DNAH12: variants seen among roughly 807,000 people sequenced by gnomAD.
The protein encoded by DNAH12 is dynein axonemal heavy chain 12.
DNAH12 carries 285 observed loss-of-function variants against 371.5 expected under a neutral mutation model. That is an observed-to-expected ratio of 0.77 (90% CI 0.70 to 0.85). DNAH12 has a LOEUF of 0.85. Among genes scored for constraint, DNAH12 ranks in the 40% least tolerant of loss-of-function variants. The pLI, the probability that DNAH12 is intolerant of heterozygous loss-of-function variation, is 0.00. For missense variants in DNAH12, 3,611 were observed against 3,689.4 expected, an observed-to-expected ratio of 0.98 and a Z score of 0.55; for synonymous variants, 1,200 against 1,213.0, an observed-to-expected ratio of 0.99 and a Z score of 0.22.
intron 8 of DNAH12, among the ~76,000 whole-genome samples, chr3:57,507,164 G>A (rs1397335699): frequency 6.6e-6 from 1 of 151,898 alleles, no homozygotes; most frequent in Non-Finnish European, 1.5e-5. Flanking sequence ...ATTTGAGGAG[G>A]CCATAAATAT....
At chr3:57,532,720 CTGGAGG>C (rs1018124253) in intron 2 of DNAH12, among the ~76,000 whole-genome samples, 2 of 152,174 alleles carry the variant, frequency 1.3e-5, no homozygotes, top group African/African-American at 4.8e-5. Context: ...CTGCCTGGAG[CTGGAGG>C]TGGGATGACA....
At chr3:57,456,498 T>A (rs1413285984) in intron 22 of DNAH12, among the ~76,000 whole-genome samples, 2 of 152,240 alleles carry the variant, frequency 1.3e-5, no homozygotes, top group Non-Finnish European at 2.9e-5. Context: ...ATAAGTGAGA[T>A]ACATGTAGTG....
intron 12 of DNAH12, among the ~76,000 whole-genome samples, chr3:57,483,892 A>G (rs1242436383): frequency 7.3e-6 from 1 of 137,366 alleles, no homozygotes; most frequent in Non-Finnish European, 1.5e-5. Flanking sequence ...GTTGAGCTAC[A>G]GTGGGCCATG....
chr3:57,323,789 T>G (rs1244861152), intron 62 of DNAH12, among the ~76,000 whole-genome samples, 170 bp from the exon 63 acceptor site: 1 of 152,174 alleles, frequency 6.6e-6, no homozygotes, highest in African/African-American at 2.4e-5. Flanking sequence ...TATATACATT[T>G]ATAGGAGAAG....
chr3:57,311,007 A>AT, intron 66 of DNAH12, 57 bp from the exon 67 acceptor site: 11 of 1,200,322 alleles, frequency 9.2e-6, no homozygotes, highest in Non-Finnish European at 1.3e-5. Flanking sequence ...CTTCATTTCC[A>AT]TTTTAAGTAT....
At chr3:57,441,715 C>A (rs1160523976) in intron 29 of DNAH12, among the ~76,000 whole-genome samples, 1 of 151,964 alleles carries the variant, frequency 6.6e-6, no homozygotes, top group Non-Finnish European at 1.5e-5. Flanking sequence ...TTGCTTGAGC[C>A]CAGGAGGTTG....
intron 62 of DNAH12, among the ~76,000 whole-genome samples, chr3:57,324,027 A>G (rs1311292897): frequency 6.6e-6 from 1 of 152,208 alleles, no homozygotes; most frequent in East Asian, 1.9e-4. Context: ...ACAAGTAGAA[A>G]TTACTTATGG....
intron 2 of DNAH12, among the ~76,000 whole-genome samples, chr3:57,540,977 T>C (rs965137011): frequency 1.3e-5 from 2 of 151,850 alleles, no homozygotes; most frequent in Middle Eastern, 3.4e-3. Context: ...GAGAACTCCC[T>C]TCTCTAAATC....
intron 58 of DNAH12, among the ~76,000 whole-genome samples, chr3:57,361,505 A>G: frequency 7.0e-6 from 1 of 143,746 alleles, no homozygotes; most frequent in South Asian, 2.2e-4. Context: ...TTTGCAATAA[A>G]TCCATTATTG....
intron 12 of DNAH12, among the ~76,000 whole-genome samples, chr3:57,487,375 A>AG (rs2066964487): frequency 7.3e-6 from 1 of 136,624 alleles, no homozygotes; most frequent in African/African-American, 2.8e-5. Context: ...GAAAGAAAGA[A>AG]AAAAAAAAAG....
At chr3:57,403,570 T>TACA in intron 42 of DNAH12, 69 bp from the exon 43 acceptor site, 1 of 1,362,170 alleles carries the variant, frequency 7.3e-7, no homozygotes, top group Non-Finnish European at 9.9e-7. Flanking sequence ...CATGTAACTA[T>TACA]TGTTTCACTT....
intron 60 of DNAH12, among the ~76,000 whole-genome samples, chr3:57,351,693 T>A (rs2062678771): frequency 6.6e-6 from 1 of 152,190 alleles, no homozygotes; most frequent in Non-Finnish European, 1.5e-5. Flanking sequence ...CATTCATATA[T>A]GTAATATATA....
Position 57,468,858 on chromosome 3 carries a change from G to A in DNAH12, c.2227C>T (p.Gln743Ter), listed in dbSNP as rs1248296761. 6.6e-7 allele frequency: 1 copy of A among 1,514,750 alleles called. No individual in the cohort carries two copies. Among genetic ancestry groups the A allele is most frequent in the African/African-American group, 1.4e-5 (1 of 69,956 alleles). The allele number at this position is 1,514,750 out of a possible 1,614,324, so 93.8% of individuals were successfully genotyped here. The change falls in exon 17 of 74, where the codon CAA (glutamine) becomes TAA (stop). Residue 743 changes from glutamine to a stop codon, truncating the protein, a stop_gained. Transcript: ENST00000495027. LOFTEE classifies it high-confidence loss of function. Reference protein sequence around the residue: ...FFQTKLKKELQEKRKAARKRS... With the variant: ...FFQTKLKKEL Reference sequence around the variant, plus strand: ...TTTCTTGCTGCCTTTCTTTTTTCTTGTAATTCTTTCTTTAGCTTCGTTTGG... The same window carrying A: ...TTTCTTGCTGCCTTTCTTTTTTCTTATAATTCTTTCTTTAGCTTCGTTTGG...
chr3:57,423,351 T>C (rs1452812120), intron 35 of DNAH12, among the ~76,000 whole-genome samples: 1 of 152,206 alleles, frequency 6.6e-6, no homozygotes, highest in African/African-American at 2.4e-5. Flanking sequence ...GGAAGAAAGC[T>C]AAAACTTAGT....
chr3:57,461,222 T>G (rs550169759), intron 19 of DNAH12, among the ~76,000 whole-genome samples: 1 of 152,310 alleles, frequency 6.6e-6, no homozygotes, highest in Non-Finnish European at 1.5e-5. Context: ...CCTGTTTTCC[T>G]CTCAAGTCTA....
Position 57,444,750 on chromosome 3 carries a change from C to T in DNAH12, c.4492G>A (p.Gly1498Arg). The T allele has an allele frequency of 6.5e-7, 1 of 1,549,730 alleles. No individual in the cohort carries two copies. ...FLSHDIPLFN[G>R]ITSDLFPGIK... ...CCAGGAAATAAGTCACTAGTTATTCCATTAAATAAAGGTATATCATGTGAT... is the reference window on the plus strand; with the variant it reads ...CCAGGAAATAAGTCACTAGTTATTCTATTAAATAAAGGTATATCATGTGAT... Residue 1498 changes from glycine (G) to arginine (R), a missense_variant, in exon 29 of 74, where the codon GGA becomes AGA. Physicochemically the swap from Gly to Arg is moderately radical, Grantham distance 125 (BLOSUM62 -2). Transcript: ENST00000495027.
At chr3:57,315,294 G>C (rs539851693) in intron 65 of DNAH12, among the ~76,000 whole-genome samples, 1 of 151,574 alleles carries the variant, frequency 6.6e-6, no homozygotes, top group African/African-American at 2.4e-5. Context: ...AATCCATCCA[G>C]CTATTTTCAT....
intron 29 of DNAH12, among the ~76,000 whole-genome samples, chr3:57,437,831 C>T (rs1308840897): frequency 1.3e-5 from 2 of 152,156 alleles, no homozygotes; most frequent in East Asian, 1.9e-4. Context: ...AATCCTACTA[C>T]AGGGAAGGGC....
intron 8 of DNAH12, among the ~76,000 whole-genome samples, chr3:57,505,428 G>T (rs1390912548): frequency 6.6e-6 from 1 of 151,874 alleles, no homozygotes; most frequent in Non-Finnish European, 1.5e-5. Flanking sequence ...TTTGTTTTTG[G>T]TTTTGGTTTT....
Sources: gnomAD v4.1 joint callset for allele counts (sites outside exome capture counted in the v4.1 genomes callset) on GRCh38, gnomAD v4.1.1 for gene constraint, MANE v1.5 for transcripts, NCBI Gene and HGNC (gene_info 2026-07-23, HGNC 2026-07-21) for gene names.